The following GSTA5 variants were observed in gnomAD, a reference collection of about 807,000 sequenced individuals.
GSTA5 encodes the protein glutathione S-transferase alpha 5.
Under a neutral mutation model 21.8 loss-of-function variants are expected in GSTA5, and 25 were observed. That is an observed-to-expected ratio of 1.14 (90% CI 0.83 to 1.60). The LOEUF (loss-of-function observed/expected upper bound fraction) is 1.60. GSTA5 is among the 40% of genes most tolerant of loss of function. The pLI is 0.00. For missense variants in GSTA5, 330 were observed against 259.2 expected, an observed-to-expected ratio of 1.27 and a Z score of -1.88; for synonymous variants, 102 against 89.5, an observed-to-expected ratio of 1.14 and a Z score of -0.78.
chr6:52,833,292 G>GCCGCA (rs374315489), intron 4 of GSTA5, among the ~76,000 whole-genome samples: 6 of 152,180 alleles, frequency 3.9e-5, no homozygotes, highest in Admixed American at 6.5e-5. Flanking sequence ...CTGCCTCCAT[G>GCCGCA]TGTTCTGTCT....
At chr6:52,838,209 A>G (rs4144186) in intron 1 of GSTA5, among the ~76,000 whole-genome samples, 151,798 of 152,338 alleles carry the variant, frequency 1, 75,633 homozygotes, top group Middle Eastern at 1. Context: ...AGAGTCCCAC[A>G]CTAACATTAT....
upstream of GSTA5, among the ~76,000 whole-genome samples, chr6:52,844,310 C>T (rs1309478914): frequency 6.6e-6 from 1 of 152,072 alleles, no homozygotes; most frequent in Non-Finnish European, 1.5e-5. Flanking sequence ...TATTAGCCAA[C>T]TAAATGTTGG....
chr6:52,843,523 T>C (rs1274159443), upstream of GSTA5, among the ~76,000 whole-genome samples: 1 of 152,262 alleles, frequency 6.6e-6, no homozygotes, highest in Non-Finnish European at 1.5e-5. Flanking sequence ...TTTTTTTATA[T>C]GTTTGTTGGC....
At chr6:52,837,699 G>A (rs867812586) in intron 1 of GSTA5, 90 bp from the exon 2 acceptor site, 5 of 901,672 alleles carry the variant, frequency 5.5e-6, no homozygotes, top group Non-Finnish European at 8.7e-6. Flanking sequence ...GCATGATTTG[G>A]AGAATATAAG....
At chr6:52,841,205 C>T (rs1334738875), upstream of GSTA5, among the ~76,000 whole-genome samples, 1 of 152,220 alleles carries the variant, frequency 6.6e-6, no homozygotes, top group Admixed American at 6.5e-5. Context: ...CTTTAACCCT[C>T]CTTATAGTCT....
intron 1 of GSTA5, among the ~76,000 whole-genome samples, chr6:52,838,179 C>T (rs1053778313): frequency 6.6e-6 from 1 of 152,188 alleles, no homozygotes; most frequent in African/African-American, 2.4e-5. Context: ...GGGTAAAATT[C>T]TCAATTTAAT....
upstream of GSTA5, among the ~76,000 whole-genome samples, chr6:52,845,376 C>T (rs533222514): frequency 2.6e-5 from 4 of 152,178 alleles, no homozygotes; most frequent in East Asian, 3.9e-4. Flanking sequence ...AGGGAGAGGG[C>T]GCTACAAATC....
At chr6:52,833,623 A>C (rs1480460937) in intron 4 of GSTA5, among the ~76,000 whole-genome samples, 1 of 152,230 alleles carries the variant, frequency 6.6e-6, no homozygotes, top group African/African-American at 2.4e-5. Flanking sequence ...TCTGCAACTT[A>C]CTATAAAATG....
chr6:52,832,079 C>A lies in GSTA5; in HGVS notation c.547-109G>T, dbSNP rs114703826. On this transcript the variant is annotated intron_variant, in intron 5 of 5. Transcript: ENST00000370989. ...TGCCAAAGACCAAGCGAGTCCCCTC[C>A]ATGAGTACCAGCATGGAGGCAGAAA... 1,786 of 1,457,780 alleles carry A rather than the reference C, an allele frequency of 1.2e-3. 20 individuals are homozygous for A. In the African/African-American group the frequency reaches 0.023, roughly 19 times the overall value. The allele number at this position is 1,457,780 out of a possible 1,614,324, so 90.3% of individuals were successfully genotyped here.
intron 5 of GSTA5, 118 bp from the exon 6 acceptor site, chr6:52,832,088 C>T: frequency 7.3e-7 from 1 of 1,373,718 alleles, no homozygotes. Flanking sequence ...CCATGAGTAC[C>T]AGCATGGAGG....
upstream of GSTA5, among the ~76,000 whole-genome samples, chr6:52,845,427 T>A (rs1247563639): frequency 6.6e-6 from 1 of 152,026 alleles, no homozygotes; most frequent in South Asian, 2.1e-4. Context: ...CCTCCTAGAG[T>A]GGGCCGGACA....
chr6:52,839,183 G>A (rs1764336987), intron 1 of GSTA5, among the ~76,000 whole-genome samples: 1 of 152,182 alleles, frequency 6.6e-6, no homozygotes, highest in South Asian at 2.1e-4. Flanking sequence ...CAAGTGGGAT[G>A]TGAGGACTGG....
chr6:52,832,930 G>A, exon 5 of GSTA5: 1 of 1,614,142 alleles, frequency 6.2e-7, no homozygotes, highest in Non-Finnish European at 8.5e-7. Context: ...TCCACCAGGT[G>A]AATGTCAGCC....
At position 52,840,642 on chromosome 6, in the gene GSTA5, A is replaced by T. The variant is rs559058795; in HGVS notation, c.87+85T>A. The T allele has an allele frequency of 5.0e-6, 6 of 1,196,662 alleles. No individual in the cohort carries two copies. The African/African-American group carries it at 6.0e-5, about 12-fold the overall frequency. 74.1% of individuals were successfully genotyped at this position (1,196,662 alleles called of 1,614,324 possible). ...TTATTTAAGGCACAATGCTTCAGTA[A>T]GTAATCATTGCATAGTTTCTGTGGG... On this transcript the variant is annotated intron_variant, in intron 1 of 5. Transcript: ENST00000370989.
At chr6:52,834,019 C>T (rs773919899) in intron 4 of GSTA5, 122 bp downstream of exon 4, 4 of 1,039,344 alleles carry the variant, frequency 3.8e-6, no homozygotes, top group Non-Finnish European at 6.0e-6. Flanking sequence ...AGTCAGAGTG[C>T]TGCCTTGGTG....
chr6:52,834,117 T>A (rs1581815123), intron 4 of GSTA5, 24 bp downstream of exon 4: 1 of 1,614,036 alleles, frequency 6.2e-7, no homozygotes, highest in Non-Finnish European at 8.5e-7. Context: ...TCAGTTCCCC[T>A]AAACATTGAA....
At chr6:52,834,028 T>C (rs1211312742) in intron 4 of GSTA5, 113 bp downstream of exon 4, 3 of 1,132,560 alleles carry the variant, frequency 2.6e-6, no homozygotes, top group Non-Finnish European at 4.0e-6. Flanking sequence ...GCTGCCTTGG[T>C]GTTCATGAAG....
chr6:52,832,799 G>A, intron 5 of GSTA5, 60 bp downstream of exon 5: 1 of 1,610,458 alleles, frequency 6.2e-7, no homozygotes, highest in South Asian at 1.1e-5. Context: ...CCGGGGCCCA[G>A]ATATGAGATC....
At chr6:52,835,015 T>A (rs1196427370) in intron 3 of GSTA5, among the ~76,000 whole-genome samples, 1 of 152,218 alleles carries the variant, frequency 6.6e-6, no homozygotes, top group Non-Finnish European at 1.5e-5. Flanking sequence ...TATTGACGTA[T>A]GTTCACGTAC....
Sources: gnomAD v4.1 joint callset for allele counts (sites outside exome capture counted in the v4.1 genomes callset) on GRCh38, gnomAD v4.1.1 for gene constraint, MANE v1.5 for transcripts, NCBI Gene and HGNC (gene_info 2026-07-23, HGNC 2026-07-21) for gene names.